The following EIF3H variants were observed in gnomAD, a reference collection of about 807,000 sequenced individuals.
The protein encoded by EIF3H is eukaryotic translation initiation factor 3 subunit H, also known as eIF-3-gamma.
Under a neutral mutation model 44.2 loss-of-function variants are expected in EIF3H, and 26 were observed. The ratio of observed to expected loss-of-function variants is 0.59; its 90% confidence interval spans 0.43 to 0.82. The LOEUF is 0.82. Among genes scored for constraint, EIF3H ranks in the 40% least tolerant of loss-of-function variants. The probability of loss-of-function intolerance (pLI) is 0.00; values close to 1 mark genes in which losing one functional copy is unlikely to be tolerated. For synonymous variants in EIF3H, 166 were observed against 151.9 expected (o/e 1.09, Z -0.68); for missense variants, 359 against 432.8 (o/e 0.83, Z 1.51).
chr8:116,757,109 CAAAGT>C (rs1362367975), upstream of EIF3H, among the ~76,000 whole-genome samples: 2 of 152,168 alleles, frequency 1.3e-5, no homozygotes, highest in African/African-American at 4.8e-5. Flanking sequence ...AGTAAAACTA[CAAAGT>C]AAAGTTTAAA....
intron 2 of EIF3H, among the ~76,000 whole-genome samples, chr8:116,670,143 A>G (rs185877055): frequency 1.3e-5 from 2 of 152,354 alleles, no homozygotes; most frequent in African/African-American, 4.8e-5. Flanking sequence ...AATCATATGC[A>G]TACGCACTAC....
intron 1 of EIF3H, among the ~76,000 whole-genome samples, chr8:116,728,297 A>G (rs1814887137): frequency 6.6e-6 from 1 of 152,014 alleles, no homozygotes; most frequent in South Asian, 2.1e-4. Flanking sequence ...GTTAATACTC[A>G]TTTTATAGAT....
intron 2 of EIF3H, among the ~76,000 whole-genome samples, chr8:116,692,104 T>C (rs1814188193): frequency 6.6e-6 from 1 of 152,144 alleles, no homozygotes; most frequent in Non-Finnish European, 1.5e-5. Flanking sequence ...AAATCCTTCC[T>C]AGGATCCCAC....
intron 6 of EIF3H, 105 bp from the exon 7 acceptor site, chr8:116,646,708 C>A: frequency 6.9e-7 from 1 of 1,446,372 alleles, no homozygotes; most frequent in Non-Finnish European, 9.4e-7. Flanking sequence ...CTCTGAATTC[C>A]AACCTCAGTT....
intron 5 of EIF3H, among the ~76,000 whole-genome samples, chr8:116,650,622 T>C (rs1163722001): frequency 6.6e-6 from 1 of 152,152 alleles, no homozygotes; most frequent in Admixed American, 6.5e-5. Context: ...TTGAAAACAT[T>C]TGCTAAGGGA....
At chr8:116,722,755 T>G (rs56697019) in intron 2 of EIF3H, among the ~76,000 whole-genome samples, 1 of 152,114 alleles carries the variant, frequency 6.6e-6, no homozygotes, top group African/African-American at 2.4e-5. Context: ...TCATTTTTTT[T>G]AAAAAATCTA....
At chr8:116,715,269 T>C (rs1174707824) in intron 2 of EIF3H, among the ~76,000 whole-genome samples, 1 of 152,042 alleles carries the variant, frequency 6.6e-6, no homozygotes, top group Middle Eastern at 3.2e-3. Context: ...CTAGTATCTC[T>C]TACTCCAACA....
chr8:116,664,707 A>G (rs1813639499), intron 2 of EIF3H, among the ~76,000 whole-genome samples: 1 of 152,236 alleles, frequency 6.6e-6, no homozygotes, highest in East Asian at 1.9e-4. Flanking sequence ...TCAAGAAAAA[A>G]GAAGTGTTTT....
At chr8:116,670,854 T>C (rs1351803982) in intron 2 of EIF3H, among the ~76,000 whole-genome samples, 1 of 152,222 alleles carries the variant, frequency 6.6e-6, no homozygotes, top group Non-Finnish European at 1.5e-5. Context: ...TTGAAGTCAT[T>C]ACTGAGATTA....
At chr8:116,682,265 C>A (rs544000236) in intron 2 of EIF3H, among the ~76,000 whole-genome samples, 1 of 152,132 alleles carries the variant, frequency 6.6e-6, no homozygotes, top group Non-Finnish European at 1.5e-5. Context: ...GCTTGGCAAT[C>A]GGGGCAATAC....
chr8:116,747,761 T>C (rs1815263054), intron 1 of EIF3H, among the ~76,000 whole-genome samples: 1 of 152,130 alleles, frequency 6.6e-6, no homozygotes, highest in African/African-American at 2.4e-5. Flanking sequence ...AAATCTACAG[T>C]GACACATGTG....
chr8:116,721,186 T>C (rs1289425706), intron 2 of EIF3H, among the ~76,000 whole-genome samples: 2 of 152,128 alleles, frequency 1.3e-5, no homozygotes, highest in African/African-American at 4.8e-5. Flanking sequence ...GCCTACCTCC[T>C]AGCCACTCTA....
chr8:116,648,892 C>T lies in EIF3H; in HGVS notation c.742G>A (p.Asp248Asn). 1 of 1,611,712 alleles carries T rather than the reference C, an allele frequency of 6.2e-7. No homozygotes were observed. Among genetic ancestry groups the T allele is most frequent in the Non-Finnish European group, 8.5e-7 (1 of 1,178,940 alleles). The change falls in exon 6 of 8, where the codon GAC (aspartate) becomes AAC (asparagine). Residue 248 changes from aspartate to asparagine, a missense_variant. Transcript: ENST00000521861. ...TCTTGGCTCATTTCATCCACTCTGT[C>T]CATCAGCAACTGTAGATTCTTCCCC... The part of the protein sequence containing the change: ...HLGKNLQLLM[D>N]RVDEMSQDIV...
intron 2 of EIF3H, among the ~76,000 whole-genome samples, chr8:116,659,968 C>T (rs1412800430): frequency 1.3e-5 from 2 of 152,138 alleles, no homozygotes; most frequent in Non-Finnish European, 2.9e-5. Context: ...CTCACTGCAA[C>T]CTCTGCCTCC....
At chr8:116,647,470 G>C (rs1813323814) in intron 6 of EIF3H, among the ~76,000 whole-genome samples, 1 of 152,176 alleles carries the variant, frequency 6.6e-6, no homozygotes, top group African/African-American at 2.4e-5. Flanking sequence ...AATATTAATA[G>C]CTCAGATAAT....
At chr8:116,748,218 T>G (rs1254947756) in intron 1 of EIF3H, among the ~76,000 whole-genome samples, 3 of 151,858 alleles carry the variant, frequency 2.0e-5, no homozygotes, top group Non-Finnish European at 2.9e-5. Context: ...CCACCAAAAT[T>G]TTTCCATTAG....
intron 2 of EIF3H, among the ~76,000 whole-genome samples, chr8:116,671,061 G>T (rs1312922076): frequency 6.6e-6 from 1 of 152,204 alleles, no homozygotes; most frequent in Non-Finnish European, 1.5e-5. Context: ...TGGCAAACAG[G>T]CTCCTGCCAG....
intron 2 of EIF3H, among the ~76,000 whole-genome samples, chr8:116,708,407 C>T (rs1225552396): frequency 2.0e-5 from 3 of 151,876 alleles, no homozygotes; most frequent in Non-Finnish European, 2.9e-5. Context: ...TTTTCCAAGA[C>T]AAAGCAGTCA....
At chr8:116,650,955 G>A (rs911215795) in intron 5 of EIF3H, among the ~76,000 whole-genome samples, 1 of 152,156 alleles carries the variant, frequency 6.6e-6, no homozygotes, top group African/African-American at 2.4e-5. Context: ...AAAATATCCA[G>A]AATAGGCAAA....
Sources: allele counts gnomAD v4.1 joint callset (sites outside exome capture counted in the v4.1 genomes callset), GRCh38; gene constraint gnomAD v4.1.1; transcripts MANE v1.5; gene names NCBI Gene and HGNC (gene_info 2026-07-23, HGNC 2026-07-21).